ITGAE: variants seen among roughly 807,000 people sequenced by gnomAD.
The protein encoded by ITGAE is integrin alpha-E.
Under a neutral mutation model 136.5 loss-of-function variants are expected in ITGAE, and 99 were observed. The observed-to-expected ratio is 0.73, with a 90% CI of 0.62 to 0.86. ITGAE has a LOEUF of 0.86. Ranked by LOEUF, ITGAE falls within the 40% of genes least tolerant of loss-of-function variation. ITGAE has a pLI of 0.00. For missense variants in ITGAE, 1,447 were observed against 1,515.3 expected (o/e 0.95, Z 0.75); for synonymous variants, 613 against 591.8 (o/e 1.04, Z -0.52).
intron 2 of ITGAE, among the ~76,000 whole-genome samples, chr17:3,777,298 A>T (rs776606569): frequency 6.6e-6 from 1 of 152,196 alleles, no homozygotes; most frequent in Non-Finnish European, 1.5e-5. Context: ...CCCCTGGGCA[A>T]TGGAGCAGGG....
intron 20 of ITGAE, chr17:3,738,934 A>T (rs2051521415): frequency 6.6e-6 from 1 of 152,300 alleles, no homozygotes; most frequent in Non-Finnish European, 1.5e-5. Flanking sequence ...GCTAAGCTGC[A>T]TGAGTGTGTC....
In ITGAE at chr17:3,768,280, A is replaced by G. The variant is rs185394013; in HGVS notation, c.156-4320T>C. On this transcript the variant is annotated intron_variant, in intron 2 of 30. Transcript: ENST00000263087. ...ACTGGGACCACAGATGCGTGCCATC[A>G]CACCTGGCAAATTTTCTTATGTTTT... Among the ~76,000 whole-genome samples the G allele has an allele frequency of 1.5e-4, 23 of 152,252 alleles. No homozygotes were observed. In the East Asian group the frequency reaches 4.4e-3, roughly 29 times the overall value.
At chr17:3,794,872 C>T (rs969995803) in intron 1 of ITGAE, among the ~76,000 whole-genome samples, 2 of 152,188 alleles carry the variant, frequency 1.3e-5, no homozygotes, top group Non-Finnish European at 2.9e-5. Flanking sequence ...ACTGAAAAGG[C>T]ACGAGTGGAG....
intron 19 of ITGAE, 119 bp from the exon 20 acceptor site, chr17:3,739,997 C>A (rs1040216767): frequency 3.8e-5 from 29 of 770,166 alleles, no homozygotes; most frequent in Admixed American, 2.7e-4. Context: ...CTGAGAAGTG[C>A]AGTTACAGGG....
chr17:3,720,478 C>G (rs2051027160), intron 28 of ITGAE, 76 bp from the exon 29 acceptor site: 1 of 714,236 alleles, frequency 1.4e-6, no homozygotes, highest in African/African-American at 1.7e-5. Flanking sequence ...ACAGCCTTCA[C>G]CACCTTTCCC....
intron 1 of ITGAE, among the ~76,000 whole-genome samples, chr17:3,792,403 C>A (rs942107316): frequency 1.3e-5 from 2 of 152,232 alleles, no homozygotes; most frequent in African/African-American, 2.4e-5. Context: ...ACGCGTGAGC[C>A]ACCGCGCCCG....
chr17:3,799,375 C>T lies in ITGAE; in HGVS notation c.34+1736G>A, dbSNP rs939509955. ...TCTCATGGCAAGTCTGCTCCATCATCGCTCTCTGCTGCCCATCAGCTTGGG... is the reference window on the plus strand; with the variant it reads ...TCTCATGGCAAGTCTGCTCCATCATTGCTCTCTGCTGCCCATCAGCTTGGG... On this transcript the variant is annotated intron_variant, in intron 1 of 30. Transcript: ENST00000263087. This position sits in a 1 kb window ranked among gnomAD's most constrained non-coding sequence, Gnocchi z 4.1. Among the ~76,000 whole-genome samples, 3 of 152,098 alleles carry T rather than the reference C, an allele frequency of 2.0e-5. No individual in the cohort carries two copies. The highest frequency in any genetic ancestry group is 1.9e-4 in the East Asian group (1 of 5,184).
At chr17:3,775,817 G>A (rs1390383044) in intron 2 of ITGAE, among the ~76,000 whole-genome samples, 4 of 151,934 alleles carry the variant, frequency 2.6e-5, no homozygotes, top group East Asian at 1.9e-4. Context: ...AGCTGGGATC[G>A]GGGAGTGGAA....
Position 3,745,839 on chromosome 17 carries a change from ACAGCTT to A in ITGAE, c.2238_2243del (p.Arg746_Cys748delinsSer). Reference sequence around the variant, plus strand: ...TGCTCCACTCCCTCAGGCAGCCCAGACAGCTTCTTACGTCTGAACACTGCAGCCGTC... The same window carrying A: ...TGCTCCACTCCCTCAGGCAGCCCAGACTTACGTCTGAACACTGCAGCCGTC... On this transcript the variant is annotated inframe_deletion, in exon 18 of 31. Transcript: ENST00000263087. 1 of 1,614,106 alleles carries A rather than the reference ACAGCTT, an allele frequency of 6.2e-7. No homozygotes were observed. The highest frequency in any genetic ancestry group is 8.5e-7 in the Non-Finnish European group (1 of 1,180,018).
chr17:3,734,496 A>C (rs2051417847), intron 21 of ITGAE, among the ~76,000 whole-genome samples: 1 of 152,150 alleles, frequency 6.6e-6, no homozygotes, highest in African/African-American at 2.4e-5. Context: ...CAGCCTTGGG[A>C]ATGGCAGGGC....
In ITGAE at chr17:3,761,991, G is replaced by C. The variant is rs1597344219; in HGVS notation, c.248-9C>G. On this transcript the variant is annotated splice_polypyrimidine_tract_variant and intron_variant, in intron 3 of 30. Coordinates refer to ENST00000263087, the MANE Select transcript of ITGAE (RefSeq NM_002208.5). ...GGGGATGGGGACATGCTCTGAAAAA[G>C]TTAAGCCCAGGTGAGGAGGAGGAGG... is the stretch of plus-strand genomic sequence containing the variant. The C allele has an allele frequency of 1.9e-6, 3 of 1,613,276 alleles. No individual in the cohort carries two copies. The highest frequency in any genetic ancestry group is 1.7e-6 in the Non-Finnish European group (2 of 1,179,634).
At chr17:3,742,207 C>T (rs1439896191) in intron 19 of ITGAE, among the ~76,000 whole-genome samples, 1 of 152,174 alleles carries the variant, frequency 6.6e-6, no homozygotes, top group East Asian at 1.9e-4. Context: ...CAAGGGAAGA[C>T]TGAGTGAGAA....
chr17:3,766,445 C>T (rs879543805), intron 2 of ITGAE, among the ~76,000 whole-genome samples: 20 of 152,156 alleles, frequency 1.3e-4, no homozygotes, highest in Admixed American at 1.0e-3. Flanking sequence ...TCCCCCAGAG[C>T]TTCTAGAAGG....
intron 1 of ITGAE, among the ~76,000 whole-genome samples, chr17:3,787,120 T>C (rs200555197): frequency 2.7e-5 from 4 of 146,596 alleles, no homozygotes; most frequent in Non-Finnish European, 1.5e-5. Context: ...TTTTTTTTCC[T>C]TTTTTTTTTG....
chr17:3,797,383 T>G lies in ITGAE; in HGVS notation c.34+3728A>C, dbSNP rs181115296. 4.5e-3 allele frequency among the ~76,000 whole-genome samples: 675 copies of G among 151,300 alleles called. 8 individuals are homozygous for G. The East Asian group carries it at 0.045, about 10-fold the overall frequency. The stretch of plus-strand genomic sequence containing the variant: ...AGTTTCACTGTGTTAGCCAGGATGG[T>G]CTCGATCTCCTGACCTCATGATCTG... On this transcript the variant is annotated intron_variant, in intron 1 of 30. Coordinates refer to ENST00000263087, the MANE Select transcript of ITGAE (RefSeq NM_002208.5).
intron 18 of ITGAE, 88 bp from the exon 19 acceptor site, chr17:3,743,705 C>CTT (rs34843140): frequency 0.26 from 232,836 of 910,988 alleles, 11,207 homozygotes; most frequent in African/African-American, 0.31. Context: ...TTCTTTTTTT[C>CTT]TTTTTTTTTT....
chr17:3,750,850 CAT>C (rs1462658343), intron 15 of ITGAE, among the ~76,000 whole-genome samples: 1 of 151,374 alleles, frequency 6.6e-6, no homozygotes, highest in Non-Finnish European at 1.5e-5. Flanking sequence ...TTTGAAGTGA[CAT>C]AATCAGGATA....
intron 26 of ITGAE, among the ~76,000 whole-genome samples, chr17:3,726,861 G>T (rs2143008969): frequency 6.6e-6 from 1 of 151,956 alleles, no homozygotes; most frequent in East Asian, 1.9e-4. Context: ...GAGTAGCTGG[G>T]ATTGCAGGCA....
At chr17:3,771,530 T>TTCTCTC (rs1180719125) in intron 2 of ITGAE, among the ~76,000 whole-genome samples, 1 of 143,652 alleles carries the variant, frequency 7.0e-6, no homozygotes. Flanking sequence ...GTGTGCATTT[T>TTCTCTC]TCTCTTTTTT....
Sources: allele counts gnomAD v4.1 joint callset (sites outside exome capture counted in the v4.1 genomes callset), GRCh38; gene constraint gnomAD v4.1.1; non-coding constraint Gnocchi (gnomAD v3.1); transcripts MANE v1.5; gene names NCBI Gene and HGNC (gene_info 2026-07-23, HGNC 2026-07-21).